Variants in PREX1 observed in about 807,000 individuals in gnomAD.
PREX1 encodes the protein phosphatidylinositol-3,4,5-trisphosphate dependent Rac exchange factor 1, also known as phosphatidylinositol 3,4,5-trisphosphate-dependent Rac exchanger 1 protein.
A neutral mutation model predicts 198.3 loss-of-function variants in PREX1; 41 were observed. That is an observed-to-expected ratio of 0.21 (90% CI 0.16 to 0.27). The LOEUF (loss-of-function observed/expected upper bound fraction) is 0.27, where lower values mean the gene tolerates loss of function less well. Ranked by LOEUF, PREX1 falls within the 10% of genes least tolerant of loss-of-function variation. The pLI, the probability that PREX1 is intolerant of heterozygous loss-of-function variation, is 1.00. For synonymous variants in PREX1, 843 were observed against 887.2 expected, an observed-to-expected ratio of 0.95 and a Z score of 0.89; for missense variants, 1,620 against 2,200.7, an observed-to-expected ratio of 0.74 and a Z score of 5.28.
At chr20:48,681,357 GTT>G in intron 10 of PREX1, 22 bp from the exon 11 acceptor site, 1 of 1,610,396 alleles carries the variant, frequency 6.2e-7, no homozygotes, top group Admixed American at 1.7e-5. Context: ...ACAATATGTG[GTT>G]GAGAGGATTT....
intron 4 of PREX1, among the ~76,000 whole-genome samples, chr20:48,729,728 C>T (rs1443086068): frequency 6.6e-6 from 1 of 152,226 alleles, no homozygotes; most frequent in South Asian, 2.1e-4. Context: ...CCCACCACAA[C>T]CACGCTGTTC....
Position 48,645,825 on chromosome 20 carries a change from C to T in PREX1, c.3512+26G>A, listed in dbSNP as rs759369226. ...CTGTCCAGGGCCATCCTCATCTAAC[C>T]TCAGCCCCCTGACGGTGACACCCAC... On this transcript the variant is annotated intron_variant, in intron 26 of 39. Transcript: ENST00000371941. 11 of 1,611,146 alleles carry T rather than the reference C, an allele frequency of 6.8e-6. No homozygotes were observed. The Admixed American group carries it at 1.5e-4, about 22-fold the overall frequency.
At chr20:48,816,176 A>C (rs2090458443) in intron 1 of PREX1, among the ~76,000 whole-genome samples, 1 of 152,224 alleles carries the variant, frequency 6.6e-6, no homozygotes, top group Non-Finnish European at 1.5e-5. Flanking sequence ...CCAACAGCCA[A>C]TCAGTTCACC....
At chr20:48,673,235 TC>T (rs1393593198) in intron 14 of PREX1, among the ~76,000 whole-genome samples, 1 of 152,118 alleles carries the variant, frequency 6.6e-6, no homozygotes, top group African/African-American at 2.4e-5. Flanking sequence ...AAGGAGAAAG[TC>T]ATTTTCCCCA....
intron 1 of PREX1, among the ~76,000 whole-genome samples, chr20:48,772,141 C>T (rs2090239034): frequency 6.6e-6 from 1 of 152,146 alleles, no homozygotes; most frequent in Non-Finnish European, 1.5e-5. Flanking sequence ...TTGCTGTGAG[C>T]TGAGATCGAG....
chr20:48,627,887 G>A lies in PREX1; in HGVS notation c.4843C>T (p.Gln1615Ter). 6.2e-7 allele frequency: 1 copy of A among 1,613,106 alleles called. No homozygotes were observed. ...SHGLLPKCIM[Q>*]ATDIMRKQGP... The stretch of plus-strand genomic sequence containing the variant: ...TGCTTCCGCATGATGTCCGTGGCCT[G>A]CATGATGCACTTGGGCAGCAACCCG... Residue 1615 changes from glutamine to a stop codon, truncating the protein, a stop_gained, in exon 38 of 40, where the codon CAG (glutamine) becomes TAG (stop). Coordinates refer to ENST00000371941, the MANE Select transcript of PREX1 (RefSeq NM_020820.4). LOFTEE classifies it high-confidence loss of function.
chr20:48,786,899 T>G (rs1289767195), intron 1 of PREX1, among the ~76,000 whole-genome samples: 18 of 135,954 alleles, frequency 1.3e-4, no homozygotes, highest in African/African-American at 1.9e-4. Flanking sequence ...AAGGGAGAGG[T>G]GGAGGGGAGG....
chr20:48,705,691 A>G (rs2089899679), intron 6 of PREX1, among the ~76,000 whole-genome samples: 1 of 152,192 alleles, frequency 6.6e-6, no homozygotes, highest in Non-Finnish European at 1.5e-5. Context: ...AGAACGTATT[A>G]TTTTCACAAG....
At chr20:48,709,877 T>C (rs2089922666) in intron 5 of PREX1, among the ~76,000 whole-genome samples, 1 of 152,204 alleles carries the variant, frequency 6.6e-6, no homozygotes, top group African/African-American at 2.4e-5. Flanking sequence ...TTCAAACACA[T>C]CCCTTCTTCA....
intron 3 of PREX1, among the ~76,000 whole-genome samples, chr20:48,740,852 G>T (rs1439606238): frequency 6.6e-6 from 1 of 152,244 alleles, no homozygotes; most frequent in Non-Finnish European, 1.5e-5. Flanking sequence ...AAAGGCTCAA[G>T]TAGTTAAGAG....
At chr20:48,851,128 G>C in the PREX1 span, among the ~76,000 whole-genome samples, 6 of 152,364 alleles carry the variant, frequency 3.9e-5, no homozygotes, top group East Asian at 1.2e-3. Context: ...AAGTGGAACA[G>C]TTGTGACAGA....
chr20:48,887,341 G>C, the PREX1 span, among the ~76,000 whole-genome samples: 1 of 152,166 alleles, frequency 6.6e-6, no homozygotes, highest in South Asian at 2.1e-4. Context: ...GGGAGGCCAA[G>C]GCATGCGGAT....
chr20:48,666,371 A>G lies in PREX1; in HGVS notation c.1666-16T>C. 1 of 1,547,392 alleles carries G rather than the reference A, an allele frequency of 6.5e-7. No homozygotes were observed. Among genetic ancestry groups the G allele is most frequent in the African/African-American group, 1.4e-5 (1 of 73,124 alleles). ...GGCAGTCTCCCTGGAATGGAACAAG[A>G]AGGGGAGGGTGTTAGGTGGCAGCAT... On this transcript the variant is annotated splice_polypyrimidine_tract_variant and intron_variant, in intron 14 of 39. Transcript: ENST00000371941. This position sits in a 1 kb window ranked among gnomAD's most constrained non-coding sequence, Gnocchi z 4.3.
At chr20:48,653,895 C>T (rs1289890221) in intron 19 of PREX1, among the ~76,000 whole-genome samples, 2 of 152,266 alleles carry the variant, frequency 1.3e-5, no homozygotes, top group Non-Finnish European at 2.9e-5. Context: ...GCCAGGATTC[C>T]AACCAGGCCT....
chr20:48,869,629 G>T, the PREX1 span, among the ~76,000 whole-genome samples: 351 of 152,246 alleles, frequency 2.3e-3, 1 homozygote, highest in Non-Finnish European at 3.5e-3. Context: ...ATAAAGAAAA[G>T]GTGGTACATA....
the PREX1 span, among the ~76,000 whole-genome samples, chr20:48,845,223 G>A: frequency 3.5e-4 from 53 of 152,260 alleles, no homozygotes; most frequent in Admixed American, 3.0e-3. Flanking sequence ...TTATATTTCC[G>A]GTTAGAGGGA....
chr20:48,806,204 TGTTTGAGAACCACTGTTCTAAGCCCACCA>T (rs2090411207), intron 1 of PREX1, among the ~76,000 whole-genome samples: 1 of 152,218 alleles, frequency 6.6e-6, no homozygotes, highest in Admixed American at 6.5e-5. Flanking sequence ...AAACTGCCCT[TGTTTGAGAACCACTGTTCTAAGCCCACCA>T]GAACATCAGC....
chr20:48,642,708 T>A (rs1601037279), intron 27 of PREX1: 1 of 506,636 alleles, frequency 2.0e-6, no homozygotes, highest in East Asian at 3.2e-5. Context: ...CACTAACGCA[T>A]GACAAGATTG....
chr20:48,656,705 C>G (rs2089546471), intron 18 of PREX1, among the ~76,000 whole-genome samples: 1 of 152,172 alleles, frequency 6.6e-6, no homozygotes, highest in Admixed American at 6.5e-5. Context: ...AGAAACTTAT[C>G]TGTGCCACGC....
Sources: gnomAD v4.1 joint callset for allele counts (sites outside exome capture counted in the v4.1 genomes callset) on GRCh38, gnomAD v4.1.1 for gene constraint, Gnocchi (gnomAD v3.1) non-coding constraint, MANE v1.5 for transcripts, NCBI Gene and HGNC (gene_info 2026-07-23, HGNC 2026-07-21) for gene names.